The following ADAMTS14 variants were observed in gnomAD, a reference collection of about 807,000 sequenced individuals.
ADAMTS14 encodes the protein ADAM metallopeptidase with thrombospondin type 1 motif 14.
Under a neutral mutation model 128.6 loss-of-function variants are expected in ADAMTS14, and 100 were observed. The ratio of observed to expected loss-of-function variants is 0.78; its 90% CI spans 0.66 to 0.92. The LOEUF is 0.92. ADAMTS14 is among the 40% of genes least tolerant of loss of function. ADAMTS14 has a pLI of 0.00. For missense variants in ADAMTS14, 1,562 were observed against 1,658.6 expected (o/e 0.94, Z 1.01); for synonymous variants, 665 against 653.8 (o/e 1.02, Z -0.26).
chr10:70,708,811 A>AGTGGG (rs767253306), intron 4 of ADAMTS14, 33 bp downstream of exon 4: 33 of 419,336 alleles, frequency 7.9e-5, no homozygotes, highest in South Asian at 3.3e-4. Context: ...ACTTGGGGGG[A>AGTGGG]GTGGGGTGGG....
intron 4 of ADAMTS14, among the ~76,000 whole-genome samples, chr10:70,716,262 G>A (rs189338309): frequency 6.6e-6 from 1 of 152,226 alleles, no homozygotes; most frequent in Non-Finnish European, 1.5e-5. Context: ...GTTGCCCTGT[G>A]AATGTGGGAA....
At position 70,760,613 on chromosome 10, in the gene ADAMTS14, G is replaced by A. The variant is rs1398921924; in HGVS notation, c.3432G>A (p.Gln1144=). The change falls in exon 22 of 22, where the codon CAG becomes CAA. Residue 1144 remains glutamine (Q), a synonymous_variant. Coordinates refer to ENST00000373207, the MANE Select transcript of ADAMTS14 (RefSeq NM_080722.4). ...PGKPTGSEDH[Q]HGRATQLPGA... The stretch of plus-strand genomic sequence containing the variant: ...AGCCAACGGGATCAGAGGACCATCA[G>A]CATGGCCGAGCCACACAGCTCCCAG... The A allele has an allele frequency of 1.2e-6, 2 of 1,614,108 alleles. No individual in the cohort carries two copies. Among genetic ancestry groups the A allele is most frequent in the Non-Finnish European group, 1.7e-6 (2 of 1,180,006 alleles).
chr10:70,741,186 C>T (rs1219664282), intron 12 of ADAMTS14, 24 bp downstream of exon 12: 10 of 1,608,794 alleles, frequency 6.2e-6, no homozygotes, highest in African/African-American at 1.3e-5. Context: ...ACCCCCCTCC[C>T]ACTCCATGTC....
At chr10:70,752,706 C>T (rs548092850) in intron 18 of ADAMTS14, among the ~76,000 whole-genome samples, 1 of 152,318 alleles carries the variant, frequency 6.6e-6, no homozygotes, top group East Asian at 1.9e-4. Flanking sequence ...CTGGTAGCAG[C>T]CACAGAGGGC....
intron 4 of ADAMTS14, among the ~76,000 whole-genome samples, chr10:70,725,292 A>G (rs574021578): frequency 8.5e-5 from 13 of 152,260 alleles, no homozygotes; most frequent in Non-Finnish European, 1.8e-4. Flanking sequence ...AACAGGTCTC[A>G]TGCCCCAGGG....
At chr10:70,752,305 G>T (rs1842374272) in intron 18 of ADAMTS14, 78 bp downstream of exon 18, 1 of 1,561,566 alleles carries the variant, frequency 6.4e-7, no homozygotes, top group African/African-American at 1.4e-5. Context: ...TGCTGAGCCT[G>T]CTCCCCTCAG....
chr10:70,726,324 G>C (rs1411238130), intron 4 of ADAMTS14, among the ~76,000 whole-genome samples: 1 of 152,228 alleles, frequency 6.6e-6, no homozygotes, highest in Admixed American at 6.5e-5. Context: ...GTGAGGTACA[G>C]AAATGAGAAA....
intron 12 of ADAMTS14, among the ~76,000 whole-genome samples, 191 bp downstream of exon 12, chr10:70,741,353 G>C (rs1259724385): frequency 2.0e-5 from 3 of 152,152 alleles, no homozygotes; most frequent in Non-Finnish European, 4.4e-5. Flanking sequence ...TATACTTCTG[G>C]GGTCATCATC....
At chr10:70,720,775 G>A (rs979000011) in intron 4 of ADAMTS14, among the ~76,000 whole-genome samples, 2 of 152,118 alleles carry the variant, frequency 1.3e-5, no homozygotes, top group African/African-American at 4.8e-5. Context: ...TTTAGTCATC[G>A]GCATGTGTAA....
At chr10:70,749,736 T>C in intron 15 of ADAMTS14, 86 bp from the exon 16 acceptor site, 1 of 1,489,014 alleles carries the variant, frequency 6.7e-7, no homozygotes, top group Non-Finnish European at 9.1e-7. Flanking sequence ...GAAGGCTCAC[T>C]GGGAAGGCCT....
chr10:70,702,243 C>G, intron 2 of ADAMTS14, 69 bp from the exon 3 acceptor site: 3 of 1,603,264 alleles, frequency 1.9e-6, no homozygotes, highest in Non-Finnish European at 2.6e-6. Context: ...AGATGCTCGC[C>G]TGTCGGCTGT....
At chr10:70,757,064 T>C (rs1341230469) in intron 19 of ADAMTS14, among the ~76,000 whole-genome samples, 2 of 151,912 alleles carry the variant, frequency 1.3e-5, no homozygotes, top group African/African-American at 4.8e-5. Context: ...GGAAGTGGGG[T>C]CCTGCAAATT....
intron 19 of ADAMTS14, among the ~76,000 whole-genome samples, chr10:70,756,484 T>C (rs1003661992): frequency 9.2e-5 from 14 of 152,196 alleles, no homozygotes; most frequent in African/African-American, 3.1e-4. Flanking sequence ...AATATAGAGA[T>C]GAATCTCTAA....
In ADAMTS14 at chr10:70,751,459, G is replaced by A. The variant is rs1318815736; in HGVS notation, c.2428-19G>A. The A allele has an allele frequency of 1.3e-6, 2 of 1,593,702 alleles. No homozygotes were observed. The highest frequency in any genetic ancestry group is 1.7e-5 in the Admixed American group (1 of 59,734). ...TGCTTCTTTCTCTGGTCCTGTGCCA[G>A]CTCCCCATCTCCCCTCAGGCTCTCC... On this transcript the variant is annotated intron_variant, in intron 16 of 21. Coordinates refer to ENST00000373207, the MANE Select transcript of ADAMTS14 (RefSeq NM_080722.4).
At chr10:70,745,492 T>C (rs1842150843) in intron 15 of ADAMTS14, 186 bp downstream of exon 15, 1 of 688,982 alleles carries the variant, frequency 1.5e-6, no homozygotes, top group African/African-American at 1.8e-5. Context: ...TTCCATGGTT[T>C]ACATTTCAGA....
intron 8 of ADAMTS14, 105 bp from the exon 9 acceptor site, chr10:70,735,064 G>A (rs1589315713): frequency 1.4e-6 from 2 of 1,430,322 alleles, no homozygotes; most frequent in East Asian, 2.3e-5. Context: ...AATAGCGGGT[G>A]CAAATTCTTG....
At position 70,758,225 on chromosome 10, in the gene ADAMTS14, C is replaced by T; in HGVS notation, c.3118C>T (p.Pro1040Ser). Residue 1040 changes from proline to serine, a missense_variant, in exon 21 of 22, where the codon CCA (proline) becomes TCA (serine). Pro to Ser is a moderately conservative substitution (Grantham distance 74). Transcript: ENST00000373207. ...GGCCGATGTCTGGGAACTTGGGACGCCAGAGGGGCAGTGGGTGCCACAATC... is the reference window on the plus strand; with the variant it reads ...GGCCGATGTCTGGGAACTTGGGACGTCAGAGGGGCAGTGGGTGCCACAATC... ...VRADVWELGT[P>S]EGQWVPQSEP... The T allele has an allele frequency of 1.9e-6, 3 of 1,614,242 alleles. No homozygotes were observed. The highest frequency in any genetic ancestry group is 1.3e-5 in the African/African-American group (1 of 75,058).
rs1206204932 is a variant in ADAMTS14, at chr10:70,706,731, G to T, written c.680-1857G>T. Among the ~76,000 whole-genome samples the T allele has an allele frequency of 2.0e-5, 3 of 152,238 alleles. No homozygotes were observed. In the East Asian group the frequency reaches 5.8e-4, roughly 29 times the overall value. On this transcript the variant is annotated intron_variant, in intron 3 of 21. Coordinates refer to ENST00000373207, the MANE Select transcript of ADAMTS14 (RefSeq NM_080722.4). ...CGTTTTTCCAGCTCTTAAGTCTAGG[G>T]CTTTGTTCCTTTGCACTATAGCACC...
intron 2 of ADAMTS14, among the ~76,000 whole-genome samples, chr10:70,692,670 A>G (rs1057088034): frequency 5.3e-5 from 8 of 152,244 alleles, no homozygotes; most frequent in Non-Finnish European, 1.0e-4. Context: ...TTAAAGAGAA[A>G]GAAATTGCCT....
Sources: allele counts gnomAD v4.1 joint callset (sites outside exome capture counted in the v4.1 genomes callset), GRCh38; gene constraint gnomAD v4.1.1; transcripts MANE v1.5; gene names NCBI Gene and HGNC (gene_info 2026-07-23, HGNC 2026-07-21).